The following MICU2 variants were observed in gnomAD, a reference collection of about 807,000 sequenced individuals.
The protein encoded by MICU2 is mitochondrial calcium uptake 2.
A neutral mutation model predicts 60.4 loss-of-function variants in MICU2; 64 were observed. The ratio of observed to expected loss-of-function variants is 1.06; its 90% CI spans 0.87 to 1.31. MICU2 has a LOEUF of 1.31. Among genes scored for constraint, MICU2 ranks in the 50% most tolerant of loss-of-function variants. The probability of loss-of-function intolerance (pLI) is 0.00; values close to 1 mark genes in which losing one functional copy is unlikely to be tolerated. For missense variants in MICU2, 569 were observed against 531.0 expected (o/e 1.07, Z -0.70); for synonymous variants, 201 against 175.0 (o/e 1.15, Z -1.17).
chr13:21,579,450 C>T (rs1342631782), intron 1 of MICU2, among the ~76,000 whole-genome samples: 3 of 151,048 alleles, frequency 2.0e-5, no homozygotes, highest in Admixed American at 1.3e-4. Flanking sequence ...AAGAGATTCT[C>T]CTGCCTCAGC....
chr13:21,502,431 T>C (rs1200650342), intron 9 of MICU2, among the ~76,000 whole-genome samples: 2 of 152,158 alleles, frequency 1.3e-5, no homozygotes, highest in African/African-American at 4.8e-5. Context: ...CACATATGCA[T>C]GTCATTACAT....
intron 4 of MICU2, among the ~76,000 whole-genome samples, chr13:21,529,532 A>G (rs1188927795): frequency 1.3e-5 from 2 of 152,214 alleles, no homozygotes; most frequent in Non-Finnish European, 2.9e-5. Context: ...TGAAGGACAA[A>G]ATTCTATGAA....
rs774045988 is a variant in MICU2 at position 21,503,113 on chromosome 13, C to T, written c.762-16G>A. The T allele has an allele frequency of 1.9e-6, 3 of 1,565,786 alleles. No homozygotes were observed. Among genetic ancestry groups the T allele is most frequent in the Non-Finnish European group, 2.6e-6 (3 of 1,151,670 alleles). ...TTCCATAAATCTGAATGTTAAAATA[C>T]AAAATTAGTAAGGTAACTAGTGGCA... On this transcript the variant is annotated splice_polypyrimidine_tract_variant and intron_variant, in intron 8 of 11. Coordinates refer to ENST00000382374, the MANE Select transcript of MICU2 (RefSeq NM_152726.3).
Sources: allele counts gnomAD v4.1 joint callset (sites outside exome capture counted in the v4.1 genomes callset), GRCh38; gene constraint gnomAD v4.1.1; transcripts MANE v1.5; gene names NCBI Gene and HGNC (gene_info 2026-07-23, HGNC 2026-07-21).